NEMP1: variants seen among roughly 807,000 people sequenced by gnomAD.
The protein encoded by NEMP1 is nuclear envelope integral membrane protein 1.
Under a neutral mutation model 53.7 loss-of-function variants are expected in NEMP1, and 29 were observed. The observed-to-expected ratio is 0.54, with a 90% CI of 0.40 to 0.74. The LOEUF (loss-of-function observed/expected upper bound fraction) is 0.74, where lower values mean the gene tolerates loss of function less well. NEMP1 is among the 30% of genes least tolerant of loss of function. The pLI, the probability that NEMP1 is intolerant of heterozygous loss-of-function variation, is 0.00. For synonymous variants in NEMP1, 193 were observed against 192.9 expected (o/e 1.00, Z 0.00); for missense variants, 477 against 528.6 (o/e 0.90, Z 0.96).
chr12:57,064,772 G>T, intron 4 of NEMP1, 33 bp from the exon 5 acceptor site: 1 of 1,520,170 alleles, frequency 6.6e-7, no homozygotes, highest in South Asian at 1.1e-5. Context: ...ATGACCATAT[G>T]TATATATTTC....
intron 1 of NEMP1, among the ~76,000 whole-genome samples, chr12:57,087,764 G>A (rs1021602623): frequency 6.6e-6 from 1 of 151,834 alleles, no homozygotes; most frequent in Non-Finnish European, 1.5e-5. Flanking sequence ...TCAGAAGTGC[G>A]GACAGAGAGG....
At chr12:57,060,655 G>C (rs1246627212) in intron 8 of NEMP1, 117 bp downstream of exon 8, 3 of 1,074,634 alleles carry the variant, frequency 2.8e-6, no homozygotes, top group Non-Finnish European at 4.0e-6. Context: ...TTGACTACTT[G>C]AAGATTAACA....
At position 57,057,799 on chromosome 12, in the gene NEMP1, AT is replaced by A. The variant is rs1323776335; in HGVS notation, c.*2079del. ...TTTCACAATTTCACAGTGCTTTCTC[AT>A]TGAAATAAAGACATGATCAGGAAAA... On this transcript the variant is annotated 3_prime_UTR_variant, in exon 9 of 9. Transcript: ENST00000300128. 2 of 152,224 alleles carry A rather than the reference AT, an allele frequency of 1.3e-5. No homozygotes were observed. Among genetic ancestry groups the A allele is most frequent in the African/African-American group, 4.8e-5 (2 of 41,454 alleles). 9.4% of individuals were successfully genotyped at this position (152,224 alleles called of 1,614,324 possible). A position where few individuals can be genotyped will look rare whatever the true frequency, so the allele number is the denominator to read the frequency against.
intron 1 of NEMP1, among the ~76,000 whole-genome samples, chr12:57,075,660 CAA>C (rs780744570): frequency 8.6e-6 from 1 of 116,494 alleles, no homozygotes. Context: ...CCCATCTCTA[CAA>C]AAAAAAAAAG....
chr12:57,075,189 A>C (rs545632370), intron 1 of NEMP1, among the ~76,000 whole-genome samples: 2 of 151,472 alleles, frequency 1.3e-5, no homozygotes, highest in Non-Finnish European at 2.9e-5. Flanking sequence ...GATTGAAACC[A>C]TCCTGGCTAA....
chr12:57,071,003 G>A (rs1305827328), intron 2 of NEMP1, 110 bp from the exon 3 acceptor site: 2 of 808,960 alleles, frequency 2.5e-6, no homozygotes, highest in African/African-American at 1.7e-5. Flanking sequence ...CAGTAATGGT[G>A]CCAGTTTTCC....
In NEMP1 at chr12:57,078,653, G is replaced by A. The variant is rs766469351; in HGVS notation, c.93C>T (p.Leu31=). ...AGACCAAGCAGCCGGAGAGGATCAA[G>A]AGTAGCCGCACTGTCCCACCGCCCC... ...GVGGGGTVRL[L]LILSGCLVYG... The change falls in exon 1 of 9, where the codon CTC becomes CTT. Residue 31 remains leucine, a synonymous_variant. Transcript: ENST00000300128. 2 of 1,613,406 alleles carry A rather than the reference G, an allele frequency of 1.2e-6. No individual in the cohort carries two copies.
Position 57,067,141 on chromosome 12 carries a change from C to T in NEMP1, c.545+2093G>A, listed in dbSNP as rs1444131691. Among the ~76,000 whole-genome samples, 5 of 151,796 alleles carry T rather than the reference C, an allele frequency of 3.3e-5. No individual in the cohort carries two copies. The East Asian group carries it at 5.8e-4, about 18-fold the overall frequency. ...GAGATCGAGACCATCCTGGCTAACA[C>T]GGTGAAACCCGTCTCTACTAAAAAT... On this transcript the variant is annotated intron_variant, in intron 4 of 8. Coordinates refer to ENST00000300128, the MANE Select transcript of NEMP1 (RefSeq NM_001130963.2).
At chr12:57,076,263 C>A (rs770414860) in intron 1 of NEMP1, among the ~76,000 whole-genome samples, 9 of 152,192 alleles carry the variant, frequency 5.9e-5, no homozygotes, top group Admixed American at 2.0e-4. Flanking sequence ...ATGGCACGTG[C>A]CTGTAGTCCC....
intron 3 of NEMP1, among the ~76,000 whole-genome samples, chr12:57,069,942 C>T (rs931364775): frequency 1.3e-5 from 2 of 151,376 alleles, no homozygotes; most frequent in African/African-American, 2.4e-5. Context: ...GTAGAAGGAA[C>T]GTCAAAAAAC....
intron 7 of NEMP1, 59 bp downstream of exon 7, chr12:57,063,060 G>A: frequency 1.5e-6 from 2 of 1,361,304 alleles, no homozygotes; most frequent in Admixed American, 1.7e-5. Context: ...GTATCCTCTT[G>A]CTGCAACTGC....
At position 57,060,809 on chromosome 12, in the gene NEMP1, C is replaced by G; in HGVS notation, c.1117G>C (p.Ala373Pro). ...REFCNSPDCSAWKTVSRIQSP... is the reference protein window; with the variant it reads ...REFCNSPDCSPWKTVSRIQSP... ...TGGATTCGAGAAACAGTCTTCCAAG[C>G]AGAGCAGTCTGGACTGTTACAAAAT... is the stretch of plus-strand genomic sequence containing the variant. The change falls in exon 8 of 9, where the codon GCT becomes CCT. Residue 373 changes from alanine (A) to proline (P), a missense_variant. Ala to Pro is a conservative substitution (Grantham distance 27). Coordinates refer to ENST00000300128, the MANE Select transcript of NEMP1 (RefSeq NM_001130963.2). 6.2e-7 allele frequency: 1 copy of G among 1,613,590 alleles called. No homozygotes were observed. The highest frequency in any genetic ancestry group is 8.5e-7 in the Non-Finnish European group (1 of 1,179,832).
chr12:57,064,004 T>A (rs1413070904), intron 6 of NEMP1, 67 bp downstream of exon 6: 2 of 962,406 alleles, frequency 2.1e-6, no homozygotes, highest in Admixed American at 3.0e-5. Context: ...GCAAAATCTT[T>A]TCATGATCAA....
intron 5 of NEMP1, 104 bp downstream of exon 5, chr12:57,064,539 CTCA>C: frequency 1.3e-6 from 1 of 752,834 alleles, no homozygotes; most frequent in South Asian, 1.9e-5. Flanking sequence ...AGGATATTGA[CTCA>C]TCAGCCATCA....
At chr12:57,072,222 G>A (rs2032385014) in intron 2 of NEMP1, among the ~76,000 whole-genome samples, 1 of 152,166 alleles carries the variant, frequency 6.6e-6, no homozygotes, top group Non-Finnish European at 1.5e-5. Context: ...CAGATCACCT[G>A]AGGGCAGGAG....
rs2032414807 is a variant in NEMP1 at position 57,072,812 on chromosome 12, C to A, written c.228G>T (p.Trp76Cys). The change falls in exon 2 of 9, where the codon TGG (tryptophan) becomes TGT (cysteine). Residue 76 changes from tryptophan (W) to cysteine (C), a missense_variant. Transcript: ENST00000300128. The stretch of plus-strand genomic sequence containing the variant: ...CCTGTATCCGTGTCCATATATCATG[C>A]CATTTTGGGATAAGCACATTTGTGT... ...FCYTNVLIPK[W>C]HDIWTRIQIR... is the part of the protein sequence containing the mutation. The A allele has an allele frequency of 1.9e-6, 3 of 1,611,052 alleles. No homozygotes were observed. The highest frequency in any genetic ancestry group is 2.5e-6 in the Non-Finnish European group (3 of 1,178,660).
Position 57,060,936 on chromosome 12 carries a change from A to G in NEMP1, c.990T>C (p.Cys330=), listed in dbSNP as rs2031769528. 6.2e-7 allele frequency: 1 copy of G among 1,613,632 alleles called. No homozygotes were observed. The highest frequency in any genetic ancestry group is 1.3e-5 in the African/African-American group (1 of 74,998). The change falls in exon 8 of 9, where the codon TGT becomes TGC. Residue 330 remains cysteine, a synonymous_variant. Transcript: ENST00000300128. ...GGGGAACAGGCTTTTCTGCTCCCTT[A>G]CACACCTTTCTGTGCTCACCAAAAT... is the stretch of plus-strand genomic sequence containing the variant. ...QWLYITCRKV[C]KGAEKPVPPR...
intron 1 of NEMP1, among the ~76,000 whole-genome samples, chr12:57,077,384 G>T (rs536437861): frequency 6.6e-6 from 1 of 151,138 alleles, no homozygotes; most frequent in East Asian, 1.9e-4. Context: ...TGTAATCCCA[G>T]CTACTCAGGA....
upstream of NEMP1, among the ~76,000 whole-genome samples, chr12:57,082,809 T>C (rs574426158): frequency 1.4e-5 from 2 of 147,844 alleles, no homozygotes; most frequent in South Asian, 4.3e-4. Context: ...CCTAGGAGTT[T>C]GAGACCAGCC....
Sources: gnomAD v4.1 joint callset for allele counts (sites outside exome capture counted in the v4.1 genomes callset) on GRCh38, gnomAD v4.1.1 for gene constraint, MANE v1.5 for transcripts, NCBI Gene and HGNC (gene_info 2026-07-23, HGNC 2026-07-21) for gene names.